The following KCNJ6 variants were observed in gnomAD, a reference collection of about 807,000 sequenced individuals.
KCNJ6 encodes the protein G protein-activated inward rectifier potassium channel 2.
Under a neutral mutation model 34.2 loss-of-function variants are expected in KCNJ6, and 9 were observed. The observed-to-expected ratio is 0.26, with a 90% CI of 0.16 to 0.46. The LOEUF is 0.46. KCNJ6 is among the 20% of genes least tolerant of loss of function. The probability of loss-of-function intolerance (pLI) is 1.00; values close to 1 mark genes in which losing one functional copy is unlikely to be tolerated. For missense variants in KCNJ6, 236 were observed against 531.3 expected, an observed-to-expected ratio of 0.44 and a Z score of 5.46; for synonymous variants, 196 against 207.1, an observed-to-expected ratio of 0.95 and a Z score of 0.46.
intron 2 of KCNJ6, among the ~76,000 whole-genome samples, chr21:37,791,134 G>A (rs996904711): frequency 2.6e-5 from 4 of 152,226 alleles, no homozygotes; most frequent in Non-Finnish European, 4.4e-5. Context: ...CACCGTGTCT[G>A]CTGGACCAGG....
chr21:37,885,601 C>T (rs1245347004), intron 1 of KCNJ6, among the ~76,000 whole-genome samples: 6 of 152,202 alleles, frequency 3.9e-5, no homozygotes, highest in Admixed American at 1.3e-4. Flanking sequence ...GGAGGGGACA[C>T]GTGGTGAGGC....
At chr21:37,794,254 T>C (rs1438304289) in intron 2 of KCNJ6, among the ~76,000 whole-genome samples, 1 of 152,218 alleles carries the variant, frequency 6.6e-6, no homozygotes, top group Non-Finnish European at 1.5e-5. Flanking sequence ...TCATCATACA[T>C]AGATAGTGGT....
intron 2 of KCNJ6, among the ~76,000 whole-genome samples, chr21:37,776,979 G>A (rs2055145701): frequency 6.6e-6 from 1 of 152,086 alleles, no homozygotes; most frequent in Non-Finnish European, 1.5e-5. Context: ...GTCTGGTCCT[G>A]GACTTTTTTT....
intron 1 of KCNJ6, among the ~76,000 whole-genome samples, chr21:37,907,791 C>T (rs2055848732): frequency 6.6e-6 from 1 of 152,164 alleles, no homozygotes; most frequent in African/African-American, 2.4e-5. Flanking sequence ...CCAGGGAAAA[C>T]ACTCCTAATT....
chr21:37,720,633 C>A (rs1218296172), intron 2 of KCNJ6, among the ~76,000 whole-genome samples: 1 of 151,922 alleles, frequency 6.6e-6, no homozygotes, highest in African/African-American at 2.4e-5. Flanking sequence ...CTTAGTGACA[C>A]AGAAGTGTGG....
chr21:37,713,300 A>C (rs1186138896), intron 3 of KCNJ6, among the ~76,000 whole-genome samples: 7 of 152,128 alleles, frequency 4.6e-5, no homozygotes, highest in Non-Finnish European at 8.8e-5. Context: ...TGGTATCAGG[A>C]AAAAGGACCC....
chr21:37,788,740 G>A (rs1394187801), intron 2 of KCNJ6, among the ~76,000 whole-genome samples: 1 of 152,198 alleles, frequency 6.6e-6, no homozygotes, highest in Non-Finnish European at 1.5e-5. Context: ...GCAGAGATAA[G>A]CCATCCCAGC....
rs2054780428 is a variant in KCNJ6, at chr21:37,714,699, A to G, written c.458T>C (p.Ile153Thr). The G allele has an allele frequency of 1.2e-6, 2 of 1,613,996 alleles. No homozygotes were observed. The highest frequency in any genetic ancestry group is 1.7e-6 in the Non-Finnish European group (2 of 1,180,002). Residue 153 changes from isoleucine (I) to threonine (T), a missense_variant, in exon 3 of 4, where the codon ATT becomes ACT. Coordinates refer to ENST00000609713, the MANE Select transcript of KCNJ6 (RefSeq NM_002240.5). The surrounding 1 kb of genome is among the most constrained non-coding windows in gnomAD (Gnocchi z 5.9). The stretch of plus-strand genomic sequence containing the variant: ...TGTGATGACCCGGTAGCCATAACCA[A>G]TGGTGGTTTCTGTCTCTATTGAGAA... The part of the protein sequence containing the change: ...FLFSIETETT[I>T]GYGYRVITDK...
intron 3 of KCNJ6, among the ~76,000 whole-genome samples, chr21:37,663,837 A>C (rs1160840053): frequency 6.6e-6 from 1 of 152,234 alleles, no homozygotes; most frequent in Non-Finnish European, 1.5e-5. Flanking sequence ...GTAAGAATAT[A>C]CGCATACCTA....
At chr21:37,833,793 C>T (rs1191639661) in intron 2 of KCNJ6, among the ~76,000 whole-genome samples, 1 of 152,160 alleles carries the variant, frequency 6.6e-6, no homozygotes, top group Non-Finnish European at 1.5e-5. Flanking sequence ...GAGTTCTTTC[C>T]CAAAAGGCAC....
chr21:37,845,070 G>A (rs4817897), intron 1 of KCNJ6, among the ~76,000 whole-genome samples: 67,492 of 151,978 alleles, frequency 0.44, 15,243 homozygotes, highest in East Asian at 0.67. Context: ...TTTCTGCCCC[G>A]TCCCCCATCC....
intron 3 of KCNJ6, among the ~76,000 whole-genome samples, chr21:37,628,307 A>G (rs1193831337): frequency 6.6e-6 from 1 of 152,196 alleles, no homozygotes; most frequent in Non-Finnish European, 1.5e-5. Context: ...AATTAGGGAA[A>G]CACTGTTTCC....
chr21:37,655,779 A>T (rs1462138561), intron 3 of KCNJ6, among the ~76,000 whole-genome samples: 4 of 152,222 alleles, frequency 2.6e-5, no homozygotes, highest in Non-Finnish European at 5.9e-5. Flanking sequence ...CCCAAAGGTC[A>T]TAACTAGAGG....
chr21:37,819,114 T>C (rs1229195758), intron 2 of KCNJ6, among the ~76,000 whole-genome samples: 1 of 152,220 alleles, frequency 6.6e-6, no homozygotes, highest in East Asian at 1.9e-4. Context: ...AGCTGGATAT[T>C]GGCCTTGGGT....
At position 37,653,766 on chromosome 21, in the gene KCNJ6, C is replaced by T. The variant is rs543103276; in HGVS notation, c.947-28282G>A. 2.6e-5 allele frequency among the ~76,000 whole-genome samples: 4 copies of T among 152,300 alleles called. No individual in the cohort carries two copies. The South Asian group carries it at 8.3e-4, about 32-fold the overall frequency. ...TTAATTATCTTGCCTTTCTTATTCT[C>T]TGATGTACTATGTTCCATTCTTATC... On this transcript the variant is annotated intron_variant, in intron 3 of 3. Coordinates refer to ENST00000609713, the MANE Select transcript of KCNJ6 (RefSeq NM_002240.5).
At chr21:37,649,644 A>G (rs1188340628) in intron 3 of KCNJ6, among the ~76,000 whole-genome samples, 1 of 152,170 alleles carries the variant, frequency 6.6e-6, no homozygotes, top group Non-Finnish European at 1.5e-5. Context: ...TGCTGCTTCC[A>G]GATGAACCAG....
intron 2 of KCNJ6, among the ~76,000 whole-genome samples, chr21:37,728,684 G>C (rs1380122618): frequency 9.3e-6 from 1 of 106,960 alleles, no homozygotes; most frequent in East Asian, 2.1e-4. Context: ...GTAGGTATGT[G>C]TGTGTGTGTG....
At chr21:37,788,015 C>G (rs577459713) in intron 2 of KCNJ6, among the ~76,000 whole-genome samples, 1 of 152,242 alleles carries the variant, frequency 6.6e-6, no homozygotes, top group Admixed American at 6.5e-5. Flanking sequence ...TATGATCTGG[C>G]TTTCATATTT....
At chr21:37,882,283 AAT>A (rs2055713043) in intron 1 of KCNJ6, among the ~76,000 whole-genome samples, 1 of 152,160 alleles carries the variant, frequency 6.6e-6, no homozygotes, top group Admixed American at 6.5e-5. Flanking sequence ...GTATACAATC[AAT>A]ATGTGTGCTC....
Sources: gnomAD v4.1 joint callset for allele counts (sites outside exome capture counted in the v4.1 genomes callset) on GRCh38, gnomAD v4.1.1 for gene constraint, Gnocchi (gnomAD v3.1) non-coding constraint, MANE v1.5 for transcripts, NCBI Gene and HGNC (gene_info 2026-07-23, HGNC 2026-07-21) for gene names.